RGS6: variants seen among roughly 807,000 people sequenced by gnomAD.
RGS6 encodes regulator of G-protein signaling 6.
Under a neutral mutation model 78.5 loss-of-function variants are expected in RGS6, and 30 were observed. The ratio of observed to expected loss-of-function variants is 0.38; its 90% CI spans 0.29 to 0.52. RGS6 has a LOEUF of 0.52. Ranked by LOEUF, RGS6 falls within the 20% of genes least tolerant of loss-of-function variation. The pLI is 0.85. For synonymous variants in RGS6, 206 were observed against 206.0 expected, an observed-to-expected ratio of 1.00 and a Z score of 0.00; for missense variants, 495 against 609.7, an observed-to-expected ratio of 0.81 and a Z score of 1.98.
chr14:72,399,671 G>A (rs1253855788), intron 3 of RGS6, among the ~76,000 whole-genome samples: 1 of 152,154 alleles, frequency 6.6e-6, no homozygotes, highest in African/African-American at 2.4e-5. Context: ...GCTGGTACCA[G>A]TTGTTCCTTT....
chr14:72,374,919 G>A (rs1286975112), intron 3 of RGS6, among the ~76,000 whole-genome samples: 1 of 152,210 alleles, frequency 6.6e-6, no homozygotes, highest in Non-Finnish European at 1.5e-5. Context: ...TAGAAGCTTT[G>A]ATAAGTAGCC....
chr14:72,235,935 T>A (rs1379293520), intron 2 of RGS6, among the ~76,000 whole-genome samples: 1 of 152,246 alleles, frequency 6.6e-6, no homozygotes, highest in African/African-American at 2.4e-5. Flanking sequence ...ACATAATATC[T>A]TGTTCCAAAT....
the RGS6 span, among the ~76,000 whole-genome samples, chr14:71,901,595 A>G: frequency 3.3e-5 from 5 of 152,172 alleles, no homozygotes; most frequent in Admixed American, 3.3e-4. Flanking sequence ...TACTCAGTTC[A>G]GATGCCAAAT....
At chr14:72,496,228 C>T (rs969180292) in intron 13 of RGS6, among the ~76,000 whole-genome samples, 5 of 69,992 alleles carry the variant, frequency 7.1e-5, no homozygotes, top group African/African-American at 4.1e-4. Flanking sequence ...GCTGTGGTTC[C>T]CAGAGTGGAT....
rs922452718 is a variant in RGS6, at chr14:72,425,970, ATTGT to A, written c.185-28554_185-28551del. ...AGAGAAAGAGAATCTAAGCGGTAAA[ATTGT>A]TTGACCTTTATTTTCTTCTTTTTGC... On this transcript the variant is annotated intron_variant, in intron 3 of 17. Coordinates refer to ENST00000553525, the MANE Select transcript of RGS6 (RefSeq NM_001204424.2). Among the ~76,000 whole-genome samples the A allele has an allele frequency of 4.6e-5, 7 of 152,292 alleles. No homozygotes were observed. The South Asian group carries it at 1.2e-3, about 27-fold the overall frequency.
At chr14:72,495,380 C>G (rs1370787459) in intron 13 of RGS6, 118 bp downstream of exon 13, 24 of 698,264 alleles carry the variant, frequency 3.4e-5, no homozygotes, top group Non-Finnish European at 2.6e-6. Context: ...ACAGAAACCC[C>G]TCAAGTAGCC....
chr14:72,269,154 G>A (rs982070370), intron 2 of RGS6, among the ~76,000 whole-genome samples: 4 of 146,544 alleles, frequency 2.7e-5, no homozygotes, highest in African/African-American at 1.0e-4. Flanking sequence ...CACCCACCTT[G>A]CTCCAAGCCT....
At chr14:72,206,629 C>T (rs1214230635) in intron 2 of RGS6, among the ~76,000 whole-genome samples, 2 of 152,150 alleles carry the variant, frequency 1.3e-5, no homozygotes, top group East Asian at 1.9e-4. Flanking sequence ...TCACTTCTTA[C>T]ATGGATGGCA....
rs148855556 is a variant in RGS6 at position 72,375,754 on chromosome 14, G to A, written c.184+23560G>A. On this transcript the variant is annotated intron_variant, in intron 3 of 17. Coordinates refer to ENST00000553525, the MANE Select transcript of RGS6 (RefSeq NM_001204424.2). Reference sequence around the variant, plus strand: ...GGCCACTGAGACATTCATAAATATCGCTAGTATGGATTACAGCTTAAGAAA... The same window carrying A: ...GGCCACTGAGACATTCATAAATATCACTAGTATGGATTACAGCTTAAGAAA... 1.0e-3 allele frequency among the ~76,000 whole-genome samples: 156 copies of A among 152,180 alleles called. 1 individual carries two copies. The highest frequency in any genetic ancestry group is 6.4e-3 in the East Asian group (33 of 5,182).
At chr14:72,217,021 T>A (rs527389247) in intron 2 of RGS6, among the ~76,000 whole-genome samples, 1 of 152,272 alleles carries the variant, frequency 6.6e-6, no homozygotes, top group African/African-American at 2.4e-5. Flanking sequence ...CATTTTATAG[T>A]GGTAGCTCCT....
At chr14:71,876,313 G>T in the RGS6 span, among the ~76,000 whole-genome samples, 15 of 151,948 alleles carry the variant, frequency 9.9e-5, no homozygotes, top group African/African-American at 3.6e-4. Context: ...GACTTGCTTT[G>T]TGAATCCAGA....
At chr14:71,955,775 T>C (rs1393686850) in intron 1 of RGS6, among the ~76,000 whole-genome samples, 1 of 152,154 alleles carries the variant, frequency 6.6e-6, no homozygotes, top group Admixed American at 6.5e-5. Flanking sequence ...TCCAGTCTCA[T>C]TCTGTGACTT....
chr14:72,008,290 C>T (rs2084970298), intron 2 of RGS6, among the ~76,000 whole-genome samples: 1 of 152,054 alleles, frequency 6.6e-6, no homozygotes. Context: ...AGAAGAACCA[C>T]ATTCAATTGT....
chr14:72,180,757 G>A (rs1456717634), intron 2 of RGS6, among the ~76,000 whole-genome samples: 5 of 152,132 alleles, frequency 3.3e-5, no homozygotes, highest in Non-Finnish European at 7.3e-5. Flanking sequence ...CTGTTATCAT[G>A]GGAATGAGTT....
At chr14:71,966,208 G>T (rs2153055877) in intron 2 of RGS6, among the ~76,000 whole-genome samples, 1 of 152,206 alleles carries the variant, frequency 6.6e-6, no homozygotes, top group East Asian at 1.9e-4. Context: ...ATTCTGAGAG[G>T]CTCTGTGTAT....
chr14:72,583,185 C>T, the RGS6 span, among the ~76,000 whole-genome samples: 1 of 152,206 alleles, frequency 6.6e-6, no homozygotes, highest in South Asian at 2.1e-4. Context: ...ACCACCAGCC[C>T]TCCTGCTTCT....
intron 2 of RGS6, among the ~76,000 whole-genome samples, chr14:72,167,909 C>T (rs1204288648): frequency 3.3e-5 from 5 of 152,244 alleles, no homozygotes; most frequent in African/African-American, 9.6e-5. Context: ...ATTGGAGCAC[C>T]TGCCTAGAAG....
intron 2 of RGS6, among the ~76,000 whole-genome samples, chr14:72,083,680 CA>C (rs2094914884): frequency 6.6e-6 from 1 of 152,180 alleles, no homozygotes; most frequent in Non-Finnish European, 1.5e-5. Context: ...CATTGAATTT[CA>C]TGTTTTTCTA....
At chr14:72,441,164 G>C (rs1205155142) in intron 3 of RGS6, among the ~76,000 whole-genome samples, 1 of 152,158 alleles carries the variant, frequency 6.6e-6, no homozygotes, top group African/African-American at 2.4e-5. Context: ...AGGGCACCTT[G>C]TCTATTTGGG....
Sources: gnomAD v4.1 joint callset for allele counts (sites outside exome capture counted in the v4.1 genomes callset) on GRCh38, gnomAD v4.1.1 for gene constraint, MANE v1.5 for transcripts, NCBI Gene and HGNC (gene_info 2026-07-23, HGNC 2026-07-21) for gene names.